Variants in MPPED2 observed in about 807,000 individuals in gnomAD.
MPPED2 encodes the protein metallophosphoesterase MPPED2.
MPPED2 carries 5 observed loss-of-function variants against 33.0 expected under a neutral mutation model. The ratio of observed to expected loss-of-function variants is 0.15; its 90% CI spans 0.08 to 0.32. The LOEUF is 0.32. Ranked by LOEUF, MPPED2 falls within the 10% of genes least tolerant of loss-of-function variation. The pLI, the probability that MPPED2 is intolerant of heterozygous loss-of-function variation, is 1.00. For missense variants in MPPED2, 275 were observed against 372.1 expected (o/e 0.74, Z 2.15); for synonymous variants, 136 against 141.9 (o/e 0.96, Z 0.29).
At chr11:30,563,975 C>G (rs917998887) in intron 2 of MPPED2, among the ~76,000 whole-genome samples, 3 of 152,162 alleles carry the variant, frequency 2.0e-5, no homozygotes, top group African/African-American at 7.2e-5. Context: ...TGATCTTTCT[C>G]CCACATGCTT....
intron 3 of MPPED2, among the ~76,000 whole-genome samples, chr11:30,496,215 A>C (rs972198112): frequency 1.3e-5 from 2 of 152,214 alleles, no homozygotes. Flanking sequence ...CTTTTTATGC[A>C]AAAGTTTCCT....
At chr11:30,385,504 G>C (rs574327558) in exon 7 of MPPED2, 2 of 152,156 alleles carry the variant, frequency 1.3e-5, no homozygotes, top group South Asian at 4.2e-4. Context: ...GAACACAGTC[G>C]CCAGATGGGC....
chr11:30,485,107 C>T (rs938916697), intron 4 of MPPED2, among the ~76,000 whole-genome samples: 2 of 152,096 alleles, frequency 1.3e-5, no homozygotes, highest in African/African-American at 4.8e-5. Flanking sequence ...TTATTTTAAT[C>T]CCATGAAAAA....
At chr11:30,512,176 G>A (rs1216583656) in intron 3 of MPPED2, among the ~76,000 whole-genome samples, 2 of 152,110 alleles carry the variant, frequency 1.3e-5, no homozygotes, top group Non-Finnish European at 2.9e-5. Context: ...GTCCTGAGAG[G>A]GAAGATGTCC....
At chr11:30,521,629 G>T (rs1252254795) in intron 3 of MPPED2, among the ~76,000 whole-genome samples, 4 of 152,146 alleles carry the variant, frequency 2.6e-5, no homozygotes, top group African/African-American at 7.2e-5. Context: ...AGGACACCAC[G>T]CCGTATCTTT....
intron 2 of MPPED2, among the ~76,000 whole-genome samples, chr11:30,556,354 T>G (rs1479506324): frequency 6.6e-6 from 1 of 152,166 alleles, no homozygotes; most frequent in Non-Finnish European, 1.5e-5. Flanking sequence ...CCATATTTGT[T>G]TCTGAGTGAA....
intron 2 of MPPED2, among the ~76,000 whole-genome samples, chr11:30,572,295 T>A (rs1486698686): frequency 2.0e-5 from 3 of 152,136 alleles, no homozygotes; most frequent in African/African-American, 7.2e-5. Context: ...TAATTTTAGA[T>A]TGCTTCTTTA....
At chr11:30,560,926 C>T (rs1015736050) in intron 2 of MPPED2, among the ~76,000 whole-genome samples, 6 of 152,176 alleles carry the variant, frequency 3.9e-5, no homozygotes, top group African/African-American at 1.2e-4. Context: ...ATGATGTTAA[C>T]GTGAACCCTG....
At chr11:30,449,434 C>T (rs188517609) in intron 4 of MPPED2, among the ~76,000 whole-genome samples, 1 of 152,160 alleles carries the variant, frequency 6.6e-6, no homozygotes, top group East Asian at 1.9e-4. Context: ...ATTACTTGAG[C>T]CCAGGAGTTG....
At chr11:30,400,967 C>T (rs1311946873) in intron 6 of MPPED2, among the ~76,000 whole-genome samples, 1 of 151,982 alleles carries the variant, frequency 6.6e-6, no homozygotes, top group Non-Finnish European at 1.5e-5. Flanking sequence ...CAAGGTCTTG[C>T]CAGGTTGCCC....
At chr11:30,492,999 A>G (rs1398435728) in intron 4 of MPPED2, among the ~76,000 whole-genome samples, 1 of 152,256 alleles carries the variant, frequency 6.6e-6, no homozygotes, top group African/African-American at 2.4e-5. Flanking sequence ...TGCCTGGCAT[A>G]TAGGAAGTAC....
chr11:30,408,031 C>A (rs115855353), downstream of MPPED2, among the ~76,000 whole-genome samples: 2,004 of 152,224 alleles, frequency 0.013, 83 homozygotes, highest in Admixed American at 0.077. Flanking sequence ...ACAGTGATCT[C>A]CAACAATGAA....
Position 30,557,026 on chromosome 11 carries a change from T to C in MPPED2, c.129-20851A>G, listed in dbSNP as rs576910759. Among the ~76,000 whole-genome samples the C allele has an allele frequency of 1.1e-3, 169 of 151,972 alleles. 1 individual carries two copies. The highest frequency in any genetic ancestry group is 3.4e-3 in the Middle Eastern group (1 of 294). On this transcript the variant is annotated intron_variant, in intron 2 of 6. Transcript: ENST00000358117. ...GGGGTTAGTTTTACACTCTAGGCTA[T>C]CACAAATTTTGCATCAAGACTGATA...
chr11:30,558,388 TTC>T (rs1334070781), intron 2 of MPPED2, among the ~76,000 whole-genome samples: 2 of 151,624 alleles, frequency 1.3e-5, no homozygotes, highest in Admixed American at 1.3e-4. Flanking sequence ...CCCTTTTTCT[TTC>T]TCTTTCTTTT....
chr11:30,408,532 A>T (rs1252425637), downstream of MPPED2, among the ~76,000 whole-genome samples: 1 of 152,038 alleles, frequency 6.6e-6, no homozygotes, highest in Non-Finnish European at 1.5e-5. Context: ...GGATGGTCTC[A>T]ATCTCTTGAC....
chr11:30,470,340 T>C (rs1390096966), intron 4 of MPPED2, among the ~76,000 whole-genome samples: 2 of 152,042 alleles, frequency 1.3e-5, no homozygotes, highest in Non-Finnish European at 2.9e-5. Context: ...TATAGTTAGA[T>C]GGGAGGAATT....
At chr11:30,582,243 G>A (rs142137485) in intron 1 of MPPED2, among the ~76,000 whole-genome samples, 15 of 152,026 alleles carry the variant, frequency 9.9e-5, no homozygotes, top group South Asian at 2.1e-4. Context: ...TAATTGCGTC[G>A]CGCTGAAAAG....
chr11:30,467,028 G>A (rs536109040), intron 4 of MPPED2, among the ~76,000 whole-genome samples: 1 of 152,158 alleles, frequency 6.6e-6, no homozygotes, highest in Non-Finnish European at 1.5e-5. Flanking sequence ...ATTGTTGATA[G>A]AGATATTAAT....
rs1302043067 is a variant in MPPED2, at chr11:30,520,920, C to T, written c.310+15074G>A. Among the ~76,000 whole-genome samples the T allele has an allele frequency of 2.1e-4, 32 of 152,056 alleles. 1 individual carries two copies. The South Asian group carries it at 6.6e-3, about 32-fold the overall frequency. On this transcript the variant is annotated intron_variant, in intron 3 of 6. Transcript: ENST00000358117. ...TACCCACCAGGCCCAGGGGACTCCTCTTTACACTTTGTAGAAAAGCACTTT... is the reference window on the plus strand; with the variant it reads ...TACCCACCAGGCCCAGGGGACTCCTTTTTACACTTTGTAGAAAAGCACTTT...
Sources: allele counts gnomAD v4.1 joint callset (sites outside exome capture counted in the v4.1 genomes callset), GRCh38; gene constraint gnomAD v4.1.1; transcripts MANE v1.5; gene names NCBI Gene and HGNC (gene_info 2026-07-23, HGNC 2026-07-21).